CCNY: variants seen among roughly 807,000 people sequenced by gnomAD.
CCNY encodes cyclin-Y.
A neutral mutation model predicts 42.8 loss-of-function variants in CCNY; 19 were observed. That is an observed-to-expected ratio of 0.44 (90% confidence interval 0.31 to 0.65). The LOEUF is 0.65. Among genes scored for constraint, CCNY ranks in the 30% least tolerant of loss-of-function variants. The pLI is 0.07. For missense variants in CCNY, 370 were observed against 437.3 expected (o/e 0.85, Z 1.37); for synonymous variants, 165 against 162.7 (o/e 1.01, Z -0.11).
chr10:35,306,321 C>T (rs539842967), intron 3 of CCNY, among the ~76,000 whole-genome samples: 1 of 152,320 alleles, frequency 6.6e-6, no homozygotes, highest in African/African-American at 2.4e-5. Flanking sequence ...AGGCGTGAGC[C>T]ACCATACCTG....
At chr10:35,404,916 G>A (rs111942213) in intron 1 of CCNY, among the ~76,000 whole-genome samples, 8,061 of 152,190 alleles carry the variant, frequency 0.053, 318 homozygotes, top group African/African-American at 0.11. Flanking sequence ...TGGGTATCAG[G>A]GTCAGTCCAA....
rs563966613 is a variant in CCNY, at chr10:35,557,440, T to C, written c.746+4255T>C. On this transcript the variant is annotated intron_variant, in intron 8 of 9. Transcript: ENST00000374704. ...AAACACTTTCAGGTCTGAGTTGTCA[T>C]TAGTACACAGTTGATCAAAATATAG... is the stretch of plus-strand genomic sequence containing the variant. Among the ~76,000 whole-genome samples, 449 of 152,312 alleles carry C rather than the reference T, an allele frequency of 2.9e-3. 3 individuals carry two copies. Among genetic ancestry groups the C allele is most frequent in the African/African-American group, 0.01 (433 of 41,560 alleles).
chr10:35,303,185 T>C lies in CCNY; in HGVS notation c.-9+52559T>C, dbSNP rs11010163. Among the ~76,000 whole-genome samples, 209 of 152,078 alleles carry C rather than the reference T, an allele frequency of 1.4e-3. 1 individual carries two copies. The highest frequency in any genetic ancestry group is 0.014 in the Middle Eastern group (4 of 294). ...GCATGGGTGACAGAGTAAGATCCTG[T>C]TTCTTTTTTTTTGAGACTGAGTTTC... On this transcript the variant is annotated intron_variant, in intron 3 of 11. Coordinates refer to the CCNY transcript ENST00000374706.
intron 1 of CCNY, among the ~76,000 whole-genome samples, chr10:35,415,176 C>T (rs1837998170): frequency 6.6e-6 from 1 of 152,028 alleles, no homozygotes; most frequent in South Asian, 2.1e-4. Flanking sequence ...GAGATGGAGC[C>T]TGGCCCTAAG....
At chr10:35,252,165 T>C (rs2095712430) in intron 3 of CCNY, among the ~76,000 whole-genome samples, 1 of 152,200 alleles carries the variant, frequency 6.6e-6, no homozygotes, top group African/African-American at 2.4e-5. Context: ...TTATATTCTT[T>C]CTTTGATATT....
intron 1 of CCNY, among the ~76,000 whole-genome samples, chr10:35,453,842 TAA>T (rs201401222): frequency 6.6e-6 from 1 of 150,646 alleles, no homozygotes; most frequent in Non-Finnish European, 1.5e-5. Context: ...AGACCTATAG[TAA>T]AAAAAAAATT....
chr10:35,370,697 T>C (rs1475618583), intron 1 of CCNY, among the ~76,000 whole-genome samples: 1 of 151,846 alleles, frequency 6.6e-6, no homozygotes, highest in African/African-American at 2.4e-5. Flanking sequence ...GTTAACTATC[T>C]GATCTTGGAT....
chr10:35,552,619 A>G lies in CCNY; in HGVS notation c.580-400A>G, dbSNP rs116608838. ...CTTATCAACAACTGCATGTATATCT[A>G]TAGTTATCTCAAAACAAAAAGCTTA... is the stretch of plus-strand genomic sequence containing the variant. On this transcript the variant is annotated intron_variant, in intron 7 of 9. Coordinates refer to ENST00000374704, the MANE Select transcript of CCNY (RefSeq NM_145012.6). 7.7e-3 allele frequency among the ~76,000 whole-genome samples: 1,166 copies of G among 152,372 alleles called. 13 individuals carry two copies. The highest frequency in any genetic ancestry group is 0.027 in the African/African-American group (1,115 of 41,590).
Position 35,511,962 on chromosome 10 carries a change from TGAA to T in CCNY, c.265-4554_265-4552del, listed in dbSNP as rs573344965. ...TTTGTATTAAGGTGACAGTAGCACTTGAAGAAGAATGGTTTAGAGAGGAGTGAG... is the reference window on the plus strand; with the variant it reads ...TTTGTATTAAGGTGACAGTAGCACTTGAAGAATGGTTTAGAGAGGAGTGAG... On this transcript the variant is annotated intron_variant, in intron 3 of 9. Coordinates refer to ENST00000374704, the MANE Select transcript of CCNY (RefSeq NM_145012.6). 9.9e-5 allele frequency among the ~76,000 whole-genome samples: 15 copies of T among 152,250 alleles called. No homozygotes were observed. The South Asian group carries it at 3.1e-3, about 32-fold the overall frequency.
chr10:35,255,824 G>A (rs115879119), intron 3 of CCNY, among the ~76,000 whole-genome samples: 2 of 151,988 alleles, frequency 1.3e-5, no homozygotes, highest in South Asian at 4.2e-4. Flanking sequence ...CGAACTCCTG[G>A]GCTCAAGCGA....
At chr10:35,392,749 G>A (rs1409283911) in intron 1 of CCNY, among the ~76,000 whole-genome samples, 1 of 152,200 alleles carries the variant, frequency 6.6e-6, no homozygotes, top group Non-Finnish European at 1.5e-5. Flanking sequence ...GAAGTGACAT[G>A]ACCAGGTGAC....
intron 4 of CCNY, among the ~76,000 whole-genome samples, chr10:35,519,779 T>TTTTC (rs2135412014): frequency 7.9e-6 from 1 of 126,876 alleles, no homozygotes; most frequent in Admixed American, 7.7e-5. Context: ...TTCTTTTCTT[T>TTTTC]TTTTTTTTTT....
intron 1 of CCNY, among the ~76,000 whole-genome samples, chr10:35,394,084 T>C (rs1837472975): frequency 1.3e-5 from 2 of 152,218 alleles, no homozygotes; most frequent in Non-Finnish European, 2.9e-5. Flanking sequence ...TCTCCAGTGC[T>C]CCGTGCAACT....
chr10:35,331,649 G>T (rs1391022002), upstream of CCNY, among the ~76,000 whole-genome samples: 1 of 152,142 alleles, frequency 6.6e-6, no homozygotes, highest in Non-Finnish European at 1.5e-5. Context: ...CAACGTCCCT[G>T]GCAGTTACTC....
At chr10:35,535,504 ATATGTG>A (rs1840867372) in intron 7 of CCNY, among the ~76,000 whole-genome samples, 1 of 151,830 alleles carries the variant, frequency 6.6e-6, no homozygotes. Context: ...CTCTCTCCCT[ATATGTG>A]TATGTATATG....
At chr10:35,449,125 G>A (rs957399083) in intron 1 of CCNY, among the ~76,000 whole-genome samples, 5 of 152,040 alleles carry the variant, frequency 3.3e-5, no homozygotes, top group African/African-American at 1.2e-4. Context: ...TGGGAGTTCA[G>A]TGGAGTCAGT....
chr10:35,335,484 G>A (rs1162714245), upstream of CCNY, among the ~76,000 whole-genome samples: 1 of 151,954 alleles, frequency 6.6e-6, no homozygotes, highest in African/African-American at 2.4e-5. Flanking sequence ...CTTAAAGCAA[G>A]GTCACTATCA....
At chr10:35,400,957 G>A (rs1160101762) in intron 1 of CCNY, among the ~76,000 whole-genome samples, 1 of 152,184 alleles carries the variant, frequency 6.6e-6, no homozygotes, top group Non-Finnish European at 1.5e-5. Context: ...GAAATAGAAG[G>A]TGGTAGAGAA....
intron 5 of CCNY, among the ~76,000 whole-genome samples, chr10:35,526,966 C>A (rs1265267943): frequency 6.6e-6 from 1 of 152,172 alleles, no homozygotes; most frequent in Non-Finnish European, 1.5e-5. Context: ...AAGTGCAGAG[C>A]TCAGCCCGTG....
Sources: allele counts gnomAD v4.1 joint callset (sites outside exome capture counted in the v4.1 genomes callset), GRCh38; gene constraint gnomAD v4.1.1; transcripts MANE v1.5; gene names NCBI Gene and HGNC (gene_info 2026-07-23, HGNC 2026-07-21).